LARP7: variants seen among roughly 807,000 people sequenced by gnomAD.
The protein encoded by LARP7 is la-related protein 7.
A neutral mutation model predicts 69.3 loss-of-function variants in LARP7; 52 were observed. The ratio of observed to expected loss-of-function variants is 0.75; its 90% CI spans 0.60 to 0.95. The LOEUF (loss-of-function observed/expected upper bound fraction) is 0.95. LARP7 is among the 40% of genes least tolerant of loss of function. The pLI, the probability that LARP7 is intolerant of heterozygous loss-of-function variation, is 0.00. For missense variants in LARP7, 733 were observed against 673.0 expected (o/e 1.09, Z -0.99); for synonymous variants, 254 against 215.9 (o/e 1.18, Z -1.55).
At chr4:112,657,200 G>A in intron 12 of LARP7, 47 bp from the exon 13 acceptor site, 1 of 890,330 alleles carries the variant, frequency 1.1e-6, no homozygotes, top group Non-Finnish European at 1.7e-6. Context: ...GTGTGTGTGT[G>A]TTTTGAGTAT....
intron 8 of LARP7, 25 bp from the exon 9 acceptor site, chr4:112,649,510 G>A (rs756690786): frequency 1.0e-5 from 16 of 1,563,576 alleles, no homozygotes; most frequent in East Asian, 2.3e-5. Context: ...TTAGTCATCT[G>A]TTATCACCAT....
chr4:112,655,633 C>A (rs1266505305), intron 12 of LARP7: 2 of 152,128 alleles, frequency 1.3e-5, no homozygotes, highest in Non-Finnish European at 2.9e-5. Flanking sequence ...ATTCTTGGAA[C>A]CTGGGGTAAA....
chr4:112,646,704 ACTGG>A, intron 4 of LARP7, 33 bp downstream of exon 4: 1 of 1,561,308 alleles, frequency 6.4e-7, no homozygotes, highest in Non-Finnish European at 8.7e-7. Context: ...CCAGTCAGAA[ACTGG>A]CACAGAAACA....
At chr4:112,652,685 CAA>C (rs1202523544) in intron 10 of LARP7, among the ~76,000 whole-genome samples, 1 of 149,808 alleles carries the variant, frequency 6.7e-6, no homozygotes, top group Non-Finnish European at 1.5e-5. Context: ...TGAGTAAAAA[CAA>C]ACCTCCCTTA....
Position 112,650,674 on chromosome 4 carries a change from T to C in LARP7, c.1416+92T>C, listed in dbSNP as rs977854072. The C allele has an allele frequency of 1.3e-5, 18 of 1,342,388 alleles. No homozygotes were observed. The Middle Eastern group carries it at 6.6e-4, about 50-fold the overall frequency. 83.2% of individuals were successfully genotyped at this position (1,342,388 alleles called of 1,614,324 possible). On this transcript the variant is annotated intron_variant, in intron 10 of 12. Coordinates refer to ENST00000344442, the MANE Select transcript of LARP7 (RefSeq NM_016648.4). ...TTTTGAATATGGAAGATAAAACAAA[T>C]CAAGTTAGAATTTGTTTCCCTATGG...
intron 1 of LARP7, chr4:112,644,412 T>C: frequency 2.1e-6 from 2 of 965,456 alleles, no homozygotes; most frequent in Non-Finnish European, 2.7e-6. Flanking sequence ...TGTAATTTTT[T>C]ATATTATTCT....
At position 112,650,519 on chromosome 4, in the gene LARP7, C is replaced by G; in HGVS notation, c.1353C>G (p.Phe451Leu). 1 of 1,613,568 alleles carries G rather than the reference C, an allele frequency of 6.2e-7. No homozygotes were observed. Among genetic ancestry groups the G allele is most frequent in the Non-Finnish European group, 8.5e-7 (1 of 1,179,718 alleles). Residue 451 changes from phenylalanine (F) to leucine (L), a missense_variant, in exon 10 of 13, where the codon TTC (phenylalanine) becomes TTG (leucine). Phe to Leu is a conservative substitution (Grantham distance 22, BLOSUM62 0). Transcript: ENST00000344442. ...QEKVNATGPQ[F>L]VSGVIVKIIS... is the part of the protein sequence containing the mutation. ...AAGTTAATGCAACAGGACCACAGTTCGTGAGTGGAGTGATTGTGAAGATCA... is the reference window on the plus strand; with the variant it reads ...AAGTTAATGCAACAGGACCACAGTTGGTGAGTGGAGTGATTGTGAAGATCA...
intron 8 of LARP7, chr4:112,648,208 ACTT>A (rs1200749565): frequency 9.4e-6 from 5 of 532,934 alleles, no homozygotes; most frequent in South Asian, 7.1e-5. Flanking sequence ...GGAAGCACTT[ACTT>A]CTTTAGTTTC....
chr4:112,649,819 ATTTGT>A (rs1164182490), intron 9 of LARP7, 133 bp downstream of exon 9: 1 of 584,100 alleles, frequency 1.7e-6, no homozygotes, highest in Non-Finnish European at 2.8e-6. Context: ...ACAATTCTTG[ATTTGT>A]TAAGTTATCC....
At position 112,646,779 on chromosome 4, in the gene LARP7, A is replaced by G. The variant is rs891468954; in HGVS notation, c.388-12A>G. 6.4e-7 allele frequency: 1 copy of G among 1,571,090 alleles called. No individual in the cohort carries two copies. The highest frequency in any genetic ancestry group is 1.4e-5 in the African/African-American group (1 of 72,678). On this transcript the variant is annotated splice_polypyrimidine_tract_variant and intron_variant, in intron 4 of 12. Coordinates refer to ENST00000344442, the MANE Select transcript of LARP7 (RefSeq NM_016648.4). ...TGTGAAAAACTCTAATATTGCTTTTAATTTATAATAGGAGTTACTTCCCAA... is the reference window on the plus strand; with the variant it reads ...TGTGAAAAACTCTAATATTGCTTTTGATTTATAATAGGAGTTACTTCCCAA...
chr4:112,646,543 T>C, intron 3 of LARP7, 45 bp from the exon 4 acceptor site: 2 of 1,287,526 alleles, frequency 1.6e-6, no homozygotes, highest in Non-Finnish European at 2.1e-6. Context: ...TAGCTTACAA[T>C]TATAAATAAT....
chr4:112,646,129 C>G (rs531630604), intron 2 of LARP7, among the ~76,000 whole-genome samples: 1 of 151,996 alleles, frequency 6.6e-6, no homozygotes, highest in South Asian at 2.1e-4. Context: ...AGGCGTGCAC[C>G]ACTACACCCA....
chr4:112,654,144 A>G lies in LARP7; in HGVS notation c.1653A>G (p.Lys551=), dbSNP rs1416022353. 3.7e-6 allele frequency: 6 copies of G among 1,613,336 alleles called. No individual in the cohort carries two copies. The African/African-American group carries it at 6.7e-5, about 18-fold the overall frequency. Reference sequence around the variant, plus strand: ...AACTTAATCAGCCTCGGGAAAAGAAAAGAGGCACTGAAAAGGTAATTGATT... The same window carrying G: ...AACTTAATCAGCCTCGGGAAAAGAAGAGAGGCACTGAAAAGGTAATTGATT... ...QAKLNQPREK[K]RGTEKLITKA... Residue 551 remains lysine (K), a synonymous_variant, in exon 12 of 13, where the codon AAA becomes AAG. Transcript: ENST00000344442.
chr4:112,647,508 A>G lies in LARP7; in HGVS notation c.956A>G (p.Asp319Gly). 4.3e-6 allele frequency: 7 copies of G among 1,613,164 alleles called. No individual in the cohort carries two copies. Among genetic ancestry groups the G allele is most frequent in the Non-Finnish European group, 5.9e-6 (7 of 1,179,564 alleles). ...AAAGTAAAGAAAATTATTCAGAAAG[A>G]CATCATTAAGGAAGCATCAGAAGCT... ...RSKVKKIIQK[D>G]IIKEASEASK... Residue 319 changes from aspartate (D) to glycine (G), a missense_variant, in exon 7 of 13, where the codon GAC becomes GGC. Coordinates refer to ENST00000344442, the MANE Select transcript of LARP7 (RefSeq NM_016648.4).
At chr4:112,653,553 C>T (rs543432547) in intron 11 of LARP7, among the ~76,000 whole-genome samples, 1 of 152,090 alleles carries the variant, frequency 6.6e-6, no homozygotes, top group African/African-American at 2.4e-5. Context: ...GGTGCGATCT[C>T]GGCTCACTGC....
chr4:112,643,818 C>T (rs2048053144), intron 1 of LARP7, among the ~76,000 whole-genome samples: 1 of 151,908 alleles, frequency 6.6e-6, no homozygotes. Flanking sequence ...TGCCACTGCA[C>T]TCCAGCCTGG....
At chr4:112,648,666 G>C (rs563599426) in intron 8 of LARP7, 25 of 390,950 alleles carry the variant, frequency 6.4e-5, no homozygotes, top group African/African-American at 4.6e-4. Context: ...TCCTGAACTA[G>C]TTCCCAAAGA....
chr4:112,643,766 C>A (rs889454356), intron 1 of LARP7, among the ~76,000 whole-genome samples: 5 of 150,410 alleles, frequency 3.3e-5, no homozygotes, highest in African/African-American at 4.9e-5. Flanking sequence ...CAGGGAGAAT[C>A]GCTTGAACCC....
intron 7 of LARP7, 35 bp downstream of exon 7, chr4:112,647,584 T>C (rs1453887032): frequency 4.1e-6 from 6 of 1,471,210 alleles, no homozygotes; most frequent in African/African-American, 1.4e-5. Flanking sequence ...ATAAAACTAA[T>C]TAATTTTAAT....
Sources: gnomAD v4.1 joint callset for allele counts (sites outside exome capture counted in the v4.1 genomes callset) on GRCh38, gnomAD v4.1.1 for gene constraint, MANE v1.5 for transcripts, NCBI Gene and HGNC (gene_info 2026-07-23, HGNC 2026-07-21) for gene names.